MAP3K4: variants seen among roughly 807,000 people sequenced by gnomAD.
MAP3K4 encodes mitogen-activated protein kinase kinase kinase 4, also known as MAP three kinase 1.
In MAP3K4, 67 loss-of-function variants were observed where a neutral mutation model predicts 185.6. That is an observed-to-expected ratio of 0.36 (90% confidence interval 0.30 to 0.44). The LOEUF (loss-of-function observed/expected upper bound fraction) is 0.44. Among genes scored for constraint, MAP3K4 ranks in the 20% least tolerant of loss-of-function variants. The pLI is 1.00. For missense variants in MAP3K4, 1,551 were observed against 1,995.1 expected (o/e 0.78, Z 4.24); for synonymous variants, 702 against 710.4 (o/e 0.99, Z 0.19).
At position 161,106,525 on chromosome 6, in the gene MAP3K4, A is replaced by G; in HGVS notation, c.3868A>G (p.Lys1290Glu). The change falls in exon 20 of 27, where the codon AAA becomes GAA. Residue 1290 changes from lysine (K) to glutamate (E), a missense_variant. Coordinates refer to ENST00000392142, the MANE Select transcript of MAP3K4 (RefSeq NM_005922.4). This position sits in a 1 kb window ranked among gnomAD's most constrained non-coding sequence, Gnocchi z 4.9. ...GGTTCTCTCTGCAGATACTGCTTCT[A>G]AACTAGGACCCATAGAAGCTATCCA... Reference protein sequence around the residue: ...LISQSKDTASKLGPIEAIQKS... With the variant: ...LISQSKDTASELGPIEAIQKS... 1 of 1,609,336 alleles carries G rather than the reference A, an allele frequency of 6.2e-7. No homozygotes were observed.
intron 4 of MAP3K4, among the ~76,000 whole-genome samples, chr6:161,072,363 T>C (rs1341438541): frequency 6.6e-6 from 1 of 152,236 alleles, no homozygotes; most frequent in African/African-American, 2.4e-5. Context: ...TATGACATTT[T>C]GGTGTATTTC....
chr6:161,092,252 T>A, intron 13 of MAP3K4, 109 bp downstream of exon 13: 4 of 1,163,882 alleles, frequency 3.4e-6, no homozygotes, highest in Non-Finnish European at 4.7e-6. Context: ...AAGGGAACAC[T>A]CTAAACTCTT....
In MAP3K4 at chr6:161,091,149, G is replaced by A. The variant is rs1392682626; in HGVS notation, c.2974-230G>A. On this transcript the variant is annotated intron_variant, in intron 11 of 26. Transcript: ENST00000392142. This position sits in a 1 kb window ranked among gnomAD's most constrained non-coding sequence, Gnocchi z 5.5. ...GAAGATAAAAGCATCTATTCCAAGAGCAGATTATAACTAGACTGTATCATT... is the reference window on the plus strand; with the variant it reads ...GAAGATAAAAGCATCTATTCCAAGAACAGATTATAACTAGACTGTATCATT... Among the ~76,000 whole-genome samples the A allele has an allele frequency of 6.6e-6, 1 of 152,158 alleles. No homozygotes were observed. The highest frequency in any genetic ancestry group is 1.5e-5 in the Non-Finnish European group (1 of 68,006).
chr6:161,047,710 G>T (rs374525640), intron 2 of MAP3K4, among the ~76,000 whole-genome samples: 1 of 152,280 alleles, frequency 6.6e-6, no homozygotes, highest in East Asian at 1.9e-4. Flanking sequence ...TATTTGAAAA[G>T]AAGGGACTAA....
rs1405552022 is a variant in MAP3K4 at position 161,077,689 on chromosome 6, G to A, written c.2098-3192G>A. Among the ~76,000 whole-genome samples the A allele has an allele frequency of 2.6e-5, 4 of 152,328 alleles. No individual in the cohort carries two copies. Among genetic ancestry groups the A allele is most frequent in the Non-Finnish European group, 5.9e-5 (4 of 68,042 alleles). ...TAAGGATTCAAAGGAAACGTAGGCA[G>A]TGAAATGGCAGGACTCGGGTGGATC... On this transcript the variant is annotated intron_variant, in intron 5 of 26. Coordinates refer to ENST00000392142, the MANE Select transcript of MAP3K4 (RefSeq NM_005922.4). This position sits in a 1 kb window ranked among gnomAD's most constrained non-coding sequence, Gnocchi z 4.3.
rs543663565 is a variant in MAP3K4, at chr6:161,112,951, A to G, written c.4626+177A>G. ...AAGACAAATGACAAACCAGGAAACA[A>G]ATATTTGTAAGATATCTGCCACAGA... is the stretch of plus-strand genomic sequence containing the variant. On this transcript the variant is annotated intron_variant, in intron 25 of 26. Transcript: ENST00000392142. The surrounding 1 kb of genome is among the most constrained non-coding windows in gnomAD (Gnocchi z 5.1). Among the ~76,000 whole-genome samples, 2 of 152,372 alleles carry G rather than the reference A, an allele frequency of 1.3e-5. No individual in the cohort carries two copies. Among genetic ancestry groups the G allele is most frequent in the Admixed American group, 6.5e-5 (1 of 15,310 alleles).
chr6:161,102,822 A>AAC, intron 19 of MAP3K4, 43 bp downstream of exon 19: 1 of 1,279,358 alleles, frequency 7.8e-7, no homozygotes, highest in Non-Finnish European at 1.1e-6. Flanking sequence ...AAAAAAAAAA[A>AAC]AACACGATTA....
chr6:160,992,081 G>C lies in MAP3K4; in HGVS notation c.150G>C (p.Ala50=). 1 of 1,568,710 alleles carries C rather than the reference G, an allele frequency of 6.4e-7. No individual in the cohort carries two copies. The change falls in exon 1 of 27, where the codon GCG becomes GCC. Residue 50 remains alanine (A), a splice_region_variant and synonymous_variant. Coordinates refer to ENST00000392142, the MANE Select transcript of MAP3K4 (RefSeq NM_005922.4). ...CAGAACCCGAGTGCTGCTTGGCGGC[G>C]AGGTGAGTGTGGCGGCCGCAGTCGG... ...TESEPECCLA[A]RQEGTLGDSA...
At position 161,088,944 on chromosome 6, in the gene MAP3K4, A is replaced by C. The variant is rs1785876542; in HGVS notation, c.2824-378A>C. Among the ~76,000 whole-genome samples the C allele has an allele frequency of 6.6e-6, 1 of 152,126 alleles. No homozygotes were observed. The highest frequency in any genetic ancestry group is 1.5e-5 in the Non-Finnish European group (1 of 68,030). On this transcript the variant is annotated intron_variant, in intron 10 of 26. Coordinates refer to ENST00000392142, the MANE Select transcript of MAP3K4 (RefSeq NM_005922.4). This position sits in a 1 kb window ranked among gnomAD's most constrained non-coding sequence, Gnocchi z 4.5. ...CTTAATGTTTTATATAAGGCCCCTC[A>C]TCTTATTTCTGTCTTATTCCTACAT...
At position 161,103,835 on chromosome 6, in the gene MAP3K4, G is replaced by A. The variant is rs560310821; in HGVS notation, c.3856+1056G>A. Reference sequence around the variant, plus strand: ...ATAAATAATACGATACTGGACTAATGTGGGATTTAAAAGAGGTAATGGCAG... The same window carrying A: ...ATAAATAATACGATACTGGACTAATATGGGATTTAAAAGAGGTAATGGCAG... On this transcript the variant is annotated intron_variant, in intron 19 of 26. Coordinates refer to ENST00000392142, the MANE Select transcript of MAP3K4 (RefSeq NM_005922.4). The surrounding 1 kb of genome is among the most constrained non-coding windows in gnomAD (Gnocchi z 4.6). Among the ~76,000 whole-genome samples the A allele has an allele frequency of 6.6e-6, 1 of 152,314 alleles. No homozygotes were observed. The highest frequency in any genetic ancestry group is 1.9e-4 in the East Asian group (1 of 5,178).
At chr6:161,068,171 T>A (rs1784787869) in intron 3 of MAP3K4, among the ~76,000 whole-genome samples, 3 of 152,202 alleles carry the variant, frequency 2.0e-5, no homozygotes, top group Admixed American at 1.3e-4. Flanking sequence ...GAACTGATGG[T>A]CTAATGGGTA....
Position 161,064,975 on chromosome 6 carries a change from C to T in MAP3K4, c.1708-5633C>T, listed in dbSNP as rs1457113897. Among the ~76,000 whole-genome samples, 1 of 152,146 alleles carries T rather than the reference C, an allele frequency of 6.6e-6. No homozygotes were observed. Among genetic ancestry groups the T allele is most frequent in the Non-Finnish European group, 1.5e-5 (1 of 68,044 alleles). ...GTTTAATTGGTGGATTTAAAGCAAG[C>T]AGGCACAAATTCCAGGAGGTCACGC... On this transcript the variant is annotated intron_variant, in intron 3 of 26. Coordinates refer to ENST00000392142, the MANE Select transcript of MAP3K4 (RefSeq NM_005922.4). This position sits in a 1 kb window ranked among gnomAD's most constrained non-coding sequence, Gnocchi z 4.3.
chr6:161,066,198 A>G (rs998324125), intron 3 of MAP3K4, among the ~76,000 whole-genome samples: 3 of 152,018 alleles, frequency 2.0e-5, no homozygotes, highest in Non-Finnish European at 4.4e-5. Context: ...CATACTTTGA[A>G]TAGTTTTTTA....
Position 161,077,685 on chromosome 6 carries a change from G to GTGGAGGATCCT in MAP3K4, c.2098-3196_2098-3195insTGGAGGATCCT, listed in dbSNP as rs1377702461. Among the ~76,000 whole-genome samples the GTGGAGGATCCT allele has an allele frequency of 1.2e-4, 18 of 152,170 alleles. No homozygotes were observed. Among genetic ancestry groups the GTGGAGGATCCT allele is most frequent in the African/African-American group, 4.1e-4 (17 of 41,434 alleles). ...AGTATAAGGATTCAAAGGAAACGTA[G>GTGGAGGATCCT]GCAGTGAAATGGCAGGACTCGGGTG... On this transcript the variant is annotated intron_variant, in intron 5 of 26. Transcript: ENST00000392142. This position sits in a 1 kb window ranked among gnomAD's most constrained non-coding sequence, Gnocchi z 4.3.
chr6:160,994,858 G>T (rs1368914410), intron 1 of MAP3K4, among the ~76,000 whole-genome samples: 1 of 152,068 alleles, frequency 6.6e-6, no homozygotes, highest in African/African-American at 2.4e-5. Context: ...CTGCCACCAG[G>T]TCCAGCTCAT....
At position 161,056,729 on chromosome 6, in the gene MAP3K4, A is replaced by G. The variant is rs762596625; in HGVS notation, c.1707+6750A>G. The stretch of plus-strand genomic sequence containing the variant: ...TTTATAGTCAAAACACTATTCTCCA[A>G]AGTAACTTAGGTCAGCACCTTTTTC... On this transcript the variant is annotated intron_variant, in intron 3 of 26. Transcript: ENST00000392142. This position sits in a 1 kb window ranked among gnomAD's most constrained non-coding sequence, Gnocchi z 5.4. 6.6e-6 allele frequency among the ~76,000 whole-genome samples: 1 copy of G among 152,130 alleles called. No individual in the cohort carries two copies. Among genetic ancestry groups the G allele is most frequent in the Non-Finnish European group, 1.5e-5 (1 of 68,012 alleles).
rs1370381119 is a variant in MAP3K4 at position 161,067,237 on chromosome 6, A to G, written c.1708-3371A>G. The G allele has an allele frequency of 6.8e-6, 3 of 441,754 alleles. No individual in the cohort carries two copies. The highest frequency in any genetic ancestry group is 3.3e-4 in the Middle Eastern group (1 of 3,030). The allele number at this position is 441,754 out of a possible 1,614,324, so 27.4% of individuals were successfully genotyped here. ...ATCAATCAATATATGTAAGATGTACATTGGTTCCATCCAGAAAGACAGGAC... is the reference window on the plus strand; with the variant it reads ...ATCAATCAATATATGTAAGATGTACGTTGGTTCCATCCAGAAAGACAGGAC... On this transcript the variant is annotated intron_variant, in intron 3 of 26. Coordinates refer to ENST00000392142, the MANE Select transcript of MAP3K4 (RefSeq NM_005922.4). The surrounding 1 kb of genome is among the most constrained non-coding windows in gnomAD (Gnocchi z 6.3).
rs768257363 is a variant in MAP3K4, at chr6:161,100,593, A to G, written c.3675-1299A>G. ...ACCACAGAAATTGGCAAACTCTACA[A>G]CCCACCTCCCCATCCCCGACATCCC... is the stretch of plus-strand genomic sequence containing the variant. On this transcript the variant is annotated intron_variant, in intron 17 of 26. Coordinates refer to ENST00000392142, the MANE Select transcript of MAP3K4 (RefSeq NM_005922.4). This position sits in a 1 kb window ranked among gnomAD's most constrained non-coding sequence, Gnocchi z 5.8. 2.0e-5 allele frequency among the ~76,000 whole-genome samples: 3 copies of G among 152,002 alleles called. No individual in the cohort carries two copies. The highest frequency in any genetic ancestry group is 2.9e-5 in the Non-Finnish European group (2 of 68,020).
At position 161,017,653 on chromosome 6, in the gene MAP3K4, T is replaced by G. The variant is rs1401595759; in HGVS notation, c.153-16606T>G. Among the ~76,000 whole-genome samples, 1 of 152,240 alleles carries G rather than the reference T, an allele frequency of 6.6e-6. No homozygotes were observed. The highest frequency in any genetic ancestry group is 2.4e-5 in the African/African-American group (1 of 41,466). On this transcript the variant is annotated intron_variant, in intron 1 of 26. Coordinates refer to ENST00000392142, the MANE Select transcript of MAP3K4 (RefSeq NM_005922.4). The surrounding 1 kb of genome is among the most constrained non-coding windows in gnomAD (Gnocchi z 5.1). Reference sequence around the variant, plus strand: ...TGAATTTGACTATCTGTAAGTGTTTTAGCCTCCAAAATGAGGTGATTTTTG... The same window carrying G: ...TGAATTTGACTATCTGTAAGTGTTTGAGCCTCCAAAATGAGGTGATTTTTG...
Sources: gnomAD v4.1 joint callset for allele counts (sites outside exome capture counted in the v4.1 genomes callset) on GRCh38, gnomAD v4.1.1 for gene constraint, Gnocchi (gnomAD v3.1) non-coding constraint, MANE v1.5 for transcripts, NCBI Gene and HGNC (gene_info 2026-07-23, HGNC 2026-07-21) for gene names.